The following INTS6 variants were observed in gnomAD, a reference collection of about 807,000 sequenced individuals.
INTS6 encodes the protein integrator complex subunit 6, also known as DEAD box protein.
In INTS6, 16 loss-of-function variants were observed where a neutral mutation model predicts 104.9. The observed-to-expected ratio is 0.15, with a 90% CI of 0.10 to 0.23. The LOEUF is 0.23. INTS6 is among the 10% of genes least tolerant of loss of function. The pLI is 1.00. For missense variants in INTS6, 584 were observed against 1,062.8 expected (o/e 0.55, Z 6.26); for synonymous variants, 324 against 358.7 (o/e 0.90, Z 1.09).
At position 51,411,352 on chromosome 13, in the gene INTS6, G is replaced by A. The variant is rs572824049; in HGVS notation, c.430-15869C>T. On this transcript the variant is annotated intron_variant, in intron 4 of 17. Coordinates refer to ENST00000311234, the MANE Select transcript of INTS6 (RefSeq NM_012141.3). Reference sequence around the variant, plus strand: ...GTGGATGACCTGAGGTCAGGAGTTCGAGACCAGCCTGGCCAACATGGTGAA... The same window carrying A: ...GTGGATGACCTGAGGTCAGGAGTTCAAGACCAGCCTGGCCAACATGGTGAA... Among the ~76,000 whole-genome samples, 4 of 148,636 alleles carry A rather than the reference G, an allele frequency of 2.7e-5. No individual in the cohort carries two copies. In the South Asian group the frequency reaches 6.2e-4, roughly 23 times the overall value.
chr13:51,360,178 G>A (rs773139554), downstream of INTS6, among the ~76,000 whole-genome samples: 16 of 152,034 alleles, frequency 1.1e-4, no homozygotes, highest in Non-Finnish European at 2.2e-4. Context: ...CAATTTAAGC[G>A]TTAGTCTAAG....
At chr13:51,410,214 A>G (rs1267749990) in intron 4 of INTS6, among the ~76,000 whole-genome samples, 1 of 152,204 alleles carries the variant, frequency 6.6e-6, no homozygotes, top group Non-Finnish European at 1.5e-5. Flanking sequence ...GCTTTCTTAT[A>G]AAAACTAATA....
chr13:51,436,510 A>G (rs779522667), intron 3 of INTS6: 5 of 152,220 alleles, frequency 3.3e-5, no homozygotes, highest in Non-Finnish European at 7.4e-5. Flanking sequence ...CTATGACTTA[A>G]GCAAAAGTAG....
chr13:51,382,244 T>C (rs1260384620), intron 9 of INTS6, 121 bp from the exon 10 acceptor site: 1 of 492,998 alleles, frequency 2.0e-6, no homozygotes. Flanking sequence ...ACATCAGACG[T>C]TTTTTAACAT....
intron 12 of INTS6, 104 bp from the exon 13 acceptor site, chr13:51,376,278 T>C: frequency 1.2e-6 from 1 of 830,032 alleles, no homozygotes; most frequent in Non-Finnish European, 1.7e-6. Context: ...ATATATAAAC[T>C]GGTTAGCTTA....
In INTS6 at chr13:51,371,398, T is replaced by C. The variant is rs147929353; in HGVS notation, c.2105-2088A>G. Among the ~76,000 whole-genome samples, 162 of 152,286 alleles carry C rather than the reference T, an allele frequency of 1.1e-3. 3 individuals carry two copies. The highest frequency in any genetic ancestry group is 3.8e-3 in the African/African-American group (159 of 41,562). ...TTTGACTCTAGCAATTCCTCTACTT[T>C]CTTCCTCCTATTAACCATATCCCTT... On this transcript the variant is annotated intron_variant, in intron 15 of 17. Transcript: ENST00000311234.
At chr13:51,419,294 C>T (rs1956852860) in intron 4 of INTS6, among the ~76,000 whole-genome samples, 2 of 152,136 alleles carry the variant, frequency 1.3e-5, no homozygotes, top group Admixed American at 1.3e-4. Flanking sequence ...CTCTTCAATC[C>T]ATAAGGTTCC....
In INTS6 at chr13:51,428,448, C is replaced by T. The variant is rs1371668369; in HGVS notation, c.429+1846G>A. Among the ~76,000 whole-genome samples, 4 of 151,804 alleles carry T rather than the reference C, an allele frequency of 2.6e-5. No homozygotes were observed. The East Asian group carries it at 7.7e-4, about 29-fold the overall frequency. Reference sequence around the variant, plus strand: ...CAAGTGATTCTCCTGCCTTAGCCTCCTGAGTAGCTGGGATTACAGGTGTGC... The same window carrying T: ...CAAGTGATTCTCCTGCCTTAGCCTCTTGAGTAGCTGGGATTACAGGTGTGC... On this transcript the variant is annotated intron_variant, in intron 4 of 17. Coordinates refer to ENST00000311234, the MANE Select transcript of INTS6 (RefSeq NM_012141.3).
At chr13:51,393,537 A>G (rs1190568524) in intron 5 of INTS6, among the ~76,000 whole-genome samples, 1 of 152,234 alleles carries the variant, frequency 6.6e-6, no homozygotes, top group Non-Finnish European at 1.5e-5. Flanking sequence ...GAAAGGAAAC[A>G]CATTATTCAG....
At chr13:51,354,063 G>T (rs1022866759), downstream of INTS6, 4 of 152,182 alleles carry the variant, frequency 2.6e-5, no homozygotes, top group African/African-American at 9.7e-5. Context: ...AAGGCATAAA[G>T]TGCACACAGC....
At chr13:51,437,225 T>C (rs1237352987) in intron 3 of INTS6, 1 of 152,206 alleles carries the variant, frequency 6.6e-6, no homozygotes, top group Non-Finnish European at 1.5e-5. Context: ...AAATTTAATT[T>C]GACCTAAAAG....
intron 5 of INTS6, among the ~76,000 whole-genome samples, chr13:51,394,237 C>T (rs1280548708): frequency 2.0e-5 from 3 of 151,972 alleles, no homozygotes; most frequent in African/African-American, 7.2e-5. Flanking sequence ...CTTTTTTACC[C>T]TTTGTTAATT....
intron 7 of INTS6, among the ~76,000 whole-genome samples, chr13:51,385,442 A>G (rs991357573): frequency 2.6e-5 from 4 of 152,218 alleles, no homozygotes; most frequent in Non-Finnish European, 5.9e-5. Flanking sequence ...AAACACACTT[A>G]TTCTGTGAAT....
chr13:51,337,374 A>AT, the INTS6 span, among the ~76,000 whole-genome samples: 2 of 152,206 alleles, frequency 1.3e-5, no homozygotes, highest in African/African-American at 2.4e-5. Context: ...TTAAACCATA[A>AT]TTTTTAAAAG....
the INTS6 span, chr13:51,335,819 G>C: frequency 2.0e-5 from 3 of 152,296 alleles, no homozygotes; most frequent in Non-Finnish European, 4.4e-5. Flanking sequence ...AAAAAACGTA[G>C]TGTTTACTCA....
chr13:51,383,177 C>A, intron 9 of INTS6, 152 bp downstream of exon 9: 1 of 491,046 alleles, frequency 2.0e-6, no homozygotes, highest in Non-Finnish European at 3.1e-6. Context: ...TAAACACGAA[C>A]AGATTGTTAT....
At chr13:51,384,081 TAG>T (rs1019685410) in intron 7 of INTS6, 6 of 173,444 alleles carry the variant, frequency 3.5e-5, no homozygotes, top group Non-Finnish European at 7.4e-5. Context: ...CAATTACTTA[TAG>T]AGAGTAGCGA....
intron 4 of INTS6, among the ~76,000 whole-genome samples, chr13:51,397,380 G>T (rs1956357948): frequency 6.6e-6 from 1 of 152,218 alleles, no homozygotes; most frequent in Non-Finnish European, 1.5e-5. Flanking sequence ...GATCAGCCAA[G>T]ATTTTGTGAC....
At chr13:51,411,709 C>T (rs533408966) in intron 4 of INTS6, among the ~76,000 whole-genome samples, 37 of 152,294 alleles carry the variant, frequency 2.4e-4, no homozygotes, top group Middle Eastern at 3.4e-3. Flanking sequence ...GACTCTCATA[C>T]ATTCCTGGTT....
Sources: allele counts gnomAD v4.1 joint callset (sites outside exome capture counted in the v4.1 genomes callset), GRCh38; gene constraint gnomAD v4.1.1; transcripts MANE v1.5; gene names NCBI Gene and HGNC (gene_info 2026-07-23, HGNC 2026-07-21).